Variants in GRXCR1 observed in about 807,000 individuals in gnomAD.
The protein encoded by GRXCR1 is glutaredoxin domain-containing cysteine-rich protein 1.
Under a neutral mutation model 27.3 loss-of-function variants are expected in GRXCR1, and 27 were observed. The observed-to-expected ratio is 0.99, with a 90% confidence interval of 0.73 to 1.37. The LOEUF (loss-of-function observed/expected upper bound fraction) is 1.37, where lower values mean the gene tolerates loss of function less well. Ranked by LOEUF, GRXCR1 falls within the 40% of genes most tolerant of loss-of-function variation. The pLI, the probability that GRXCR1 is intolerant of heterozygous loss-of-function variation, is 0.00. For missense variants in GRXCR1, 379 were observed against 354.4 expected (o/e 1.07, Z -0.56); for synonymous variants, 122 against 131.1 (o/e 0.93, Z 0.47).
chr4:42,953,455 C>T (rs1747929209), intron 1 of GRXCR1, among the ~76,000 whole-genome samples: 1 of 152,146 alleles, frequency 6.6e-6, no homozygotes. Flanking sequence ...GCTTCAGCTA[C>T]AATCCTAGCC....
At position 42,907,343 on chromosome 4, in the gene GRXCR1, CA is replaced by C. The variant is rs1299482972; in HGVS notation, c.384+13694del. ...TTCCATTAAGTTTATTGCATCCAAG[CA>C]CAGCCTTGTCACAGTTAATGGGAGA... On this transcript the variant is annotated intron_variant, in intron 1 of 3. Coordinates refer to ENST00000399770, the MANE Select transcript of GRXCR1 (RefSeq NM_001080476.3). Among the ~76,000 whole-genome samples the C allele has an allele frequency of 3.9e-5, 6 of 152,286 alleles. 1 individual carries two copies. In the South Asian group the frequency reaches 1.0e-3, roughly 26 times the overall value.
intron 1 of GRXCR1, among the ~76,000 whole-genome samples, chr4:42,896,423 C>A (rs930663229): frequency 7.2e-6 from 1 of 138,654 alleles, no homozygotes; most frequent in Non-Finnish European, 1.7e-5. Context: ...TAGTGATGAA[C>A]CAGGAGGCAA....
chr4:42,922,035 C>T (rs531913285), intron 1 of GRXCR1, among the ~76,000 whole-genome samples: 5 of 152,170 alleles, frequency 3.3e-5, no homozygotes, highest in African/African-American at 1.2e-4. Context: ...TCTGTTAGGC[C>T]TGGGATATGA....
intron 2 of GRXCR1, among the ~76,000 whole-genome samples, chr4:43,004,292 TG>T (rs1443152525): frequency 6.6e-6 from 1 of 152,238 alleles, no homozygotes; most frequent in Non-Finnish European, 1.5e-5. Context: ...TGGAAACACC[TG>T]GATGTCCAGG....
chr4:42,900,743 T>A (rs186164231), intron 1 of GRXCR1, among the ~76,000 whole-genome samples: 1 of 152,190 alleles, frequency 6.6e-6, no homozygotes, highest in East Asian at 1.9e-4. Context: ...ACGAGGGTCA[T>A]CTTAGTTAAA....
intron 1 of GRXCR1, among the ~76,000 whole-genome samples, chr4:42,912,491 A>G (rs1319445969): frequency 6.6e-6 from 1 of 152,206 alleles, no homozygotes; most frequent in Non-Finnish European, 1.5e-5. Context: ...CATTGCATGT[A>G]AACTAGCACA....
chr4:42,904,706 T>C (rs1196479650), intron 1 of GRXCR1, among the ~76,000 whole-genome samples: 1 of 152,186 alleles, frequency 6.6e-6, no homozygotes, highest in East Asian at 1.9e-4. Context: ...ATACTATCAT[T>C]TTTATTATCC....
At chr4:42,935,820 A>G (rs903437403) in intron 1 of GRXCR1, among the ~76,000 whole-genome samples, 1 of 151,952 alleles carries the variant, frequency 6.6e-6, no homozygotes, top group Non-Finnish European at 1.5e-5. Flanking sequence ...GTGTTCCTTC[A>G]GATGTTAACA....
intron 2 of GRXCR1, among the ~76,000 whole-genome samples, chr4:42,989,941 T>C (rs1034820310): frequency 2.2e-4 from 34 of 152,034 alleles, no homozygotes; most frequent in African/African-American, 7.7e-4. Flanking sequence ...TTTATATGTA[T>C]GATTTATAAA....
intron 1 of GRXCR1, among the ~76,000 whole-genome samples, chr4:42,956,485 T>C (rs1748007425): frequency 6.6e-6 from 1 of 152,056 alleles, no homozygotes. Flanking sequence ...CAATATCATT[T>C]AAAGTTCATA....
chr4:42,949,182 C>T (rs115212275), intron 1 of GRXCR1, among the ~76,000 whole-genome samples: 1,771 of 151,434 alleles, frequency 0.012, 30 homozygotes, highest in African/African-American at 0.039. Context: ...GTTGAAACCC[C>T]CTCTCCACTA....
chr4:42,982,288 G>C (rs1250430855), intron 2 of GRXCR1, among the ~76,000 whole-genome samples: 1 of 139,474 alleles, frequency 7.2e-6, no homozygotes, highest in Non-Finnish European at 1.5e-5. Flanking sequence ...TCCCACCTAT[G>C]AGTGAGAATA....
chr4:43,015,017 A>T (rs1316687279), intron 2 of GRXCR1, among the ~76,000 whole-genome samples: 1 of 152,192 alleles, frequency 6.6e-6, no homozygotes, highest in East Asian at 1.9e-4. Context: ...GTGACATTTA[A>T]ATTGGGTTTG....
At chr4:42,896,245 T>C (rs1461476665) in intron 1 of GRXCR1, among the ~76,000 whole-genome samples, 1 of 152,146 alleles carries the variant, frequency 6.6e-6, no homozygotes, top group Non-Finnish European at 1.5e-5. Flanking sequence ...CAGAAAAAAG[T>C]CATTGCAATT....
intron 3 of GRXCR1, among the ~76,000 whole-genome samples, chr4:43,023,097 G>T (rs1713144105): frequency 6.6e-6 from 1 of 152,138 alleles, no homozygotes; most frequent in South Asian, 2.1e-4. Flanking sequence ...GTGGCATGTA[G>T]GTATCTAGGA....
At chr4:42,910,434 T>C (rs1033100036) in intron 1 of GRXCR1, among the ~76,000 whole-genome samples, 1 of 152,162 alleles carries the variant, frequency 6.6e-6, no homozygotes, top group African/African-American at 2.4e-5. Context: ...ATGGACTTTC[T>C]CTCATTTTTC....
intron 1 of GRXCR1, among the ~76,000 whole-genome samples, chr4:42,953,337 TA>T (rs1234549645): frequency 2.0e-5 from 3 of 152,130 alleles, no homozygotes; most frequent in Non-Finnish European, 4.4e-5. Flanking sequence ...TAGAAAGCAA[TA>T]AGTCTTCCAC....
chr4:42,925,292 T>TAAAG (rs1390580635), intron 1 of GRXCR1, among the ~76,000 whole-genome samples: 3 of 151,830 alleles, frequency 2.0e-5, no homozygotes, highest in African/African-American at 7.3e-5. Context: ...GGGGCATGAG[T>TAAAG]AAAGGCAAAT....
At chr4:42,955,246 C>T (rs1747971829) in intron 1 of GRXCR1, among the ~76,000 whole-genome samples, 1 of 152,026 alleles carries the variant, frequency 6.6e-6, no homozygotes, top group Non-Finnish European at 1.5e-5. Flanking sequence ...CTCTCCCTCA[C>T]CCATCTCAAA....
Sources: gnomAD v4.1 joint callset for allele counts (sites outside exome capture counted in the v4.1 genomes callset) on GRCh38, gnomAD v4.1.1 for gene constraint, MANE v1.5 for transcripts, NCBI Gene and HGNC (gene_info 2026-07-23, HGNC 2026-07-21) for gene names.